Variants in CES5A observed in about 807,000 individuals in gnomAD.
CES5A encodes carboxylesterase 5.
In CES5A, 67 loss-of-function variants were observed where a neutral mutation model predicts 62.9. That is an observed-to-expected ratio of 1.07 (90% CI 0.88 to 1.31). CES5A has a LOEUF of 1.31. Among genes scored for constraint, CES5A ranks in the 50% most tolerant of loss-of-function variants. The pLI, the probability that CES5A is intolerant of heterozygous loss-of-function variation, is 0.00. For missense variants in CES5A, 748 were observed against 708.5 expected (o/e 1.06, Z -0.63); for synonymous variants, 296 against 280.8 (o/e 1.05, Z -0.54).
At chr16:55,948,362 A>G (rs2034519203) in intron 2 of CES5A, among the ~76,000 whole-genome samples, 1 of 152,194 alleles carries the variant, frequency 6.6e-6, no homozygotes, top group African/African-American at 2.4e-5. Flanking sequence ...GGAACAGTCA[A>G]TTATGCATCC....
chr16:55,852,512 A>C (rs1301747124), intron 10 of CES5A, among the ~76,000 whole-genome samples: 1 of 152,226 alleles, frequency 6.6e-6, no homozygotes, highest in Non-Finnish European at 1.5e-5. Flanking sequence ...TTACTTTAGG[A>C]GTTCCATTAC....
At chr16:55,864,040 C>A (rs1254374086) in intron 5 of CES5A, among the ~76,000 whole-genome samples, 15 of 152,246 alleles carry the variant, frequency 9.9e-5, no homozygotes, top group Admixed American at 9.8e-4. Context: ...GCCACCGCAC[C>A]CAGCCAAGTT....
chr16:55,918,087 T>C (rs571894946), intron 1 of CES5A, among the ~76,000 whole-genome samples: 2 of 152,290 alleles, frequency 1.3e-5, no homozygotes, highest in East Asian at 3.9e-4. Flanking sequence ...TCAGATATGC[T>C]GATGGGCAGG....
intron 2 of CES5A, among the ~76,000 whole-genome samples, chr16:55,944,955 A>G (rs970173406): frequency 5.3e-5 from 8 of 152,188 alleles, no homozygotes; most frequent in Non-Finnish European, 1.0e-4. Flanking sequence ...ACTACAAACT[A>G]CATGAGTTCA....
At chr16:55,852,798 AGC>A in intron 10 of CES5A, 81 bp downstream of exon 10, 1 of 1,470,196 alleles carries the variant, frequency 6.8e-7, no homozygotes, top group Non-Finnish European at 9.2e-7. Context: ...CAGAGAAGGC[AGC>A]CGCTCAGTAG....
chr16:55,937,114 TG>T (rs1362963598), intron 2 of CES5A, among the ~76,000 whole-genome samples: 15 of 152,172 alleles, frequency 9.9e-5, no homozygotes, highest in African/African-American at 3.6e-4. Context: ...GATTTCCGTA[TG>T]TGCTTTGCCT....
intron 1 of CES5A, among the ~76,000 whole-genome samples, chr16:55,913,956 G>A (rs1267879441): frequency 6.6e-6 from 1 of 152,176 alleles, no homozygotes; most frequent in Non-Finnish European, 1.5e-5. Context: ...AGCACAGGGT[G>A]CCCTGTGCTG....
rs1376702125 is a variant in CES5A at position 55,866,853 on chromosome 16, A to T, written c.552-737T>A. Among the ~76,000 whole-genome samples the T allele has an allele frequency of 2.6e-5, 4 of 151,656 alleles. No homozygotes were observed. The South Asian group carries it at 8.3e-4, about 32-fold the overall frequency. On this transcript the variant is annotated intron_variant, in intron 4 of 12. Transcript: ENST00000290567. ...GCTCTGTCTCAAAAAAAATAAAAAT[A>T]AAAAAATAAACAAACAAACAAAAAA...
chr16:55,928,592 C>A (rs940550127), upstream of CES5A, among the ~76,000 whole-genome samples: 1 of 152,146 alleles, frequency 6.6e-6, no homozygotes, highest in Non-Finnish European at 1.5e-5. Flanking sequence ...AGATACTCAA[C>A]CTTAATCTTA....
chr16:55,922,243 G>A (rs1186837774), intron 1 of CES5A, among the ~76,000 whole-genome samples: 1 of 151,766 alleles, frequency 6.6e-6, no homozygotes, highest in Middle Eastern at 3.2e-3. Flanking sequence ...CCAATTAAAA[G>A]ACATAGTACC....
chr16:55,930,132 TTCCTTA>T (rs1264045035), upstream of CES5A, among the ~76,000 whole-genome samples: 7 of 152,140 alleles, frequency 4.6e-5, no homozygotes, highest in East Asian at 1.3e-3. Context: ...TTGAAAATAC[TTCCTTA>T]TCCCAAGCAC....
At chr16:55,878,306 C>T (rs1483216954), upstream of CES5A, among the ~76,000 whole-genome samples, 2 of 151,970 alleles carry the variant, frequency 1.3e-5, no homozygotes, top group African/African-American at 4.8e-5. Flanking sequence ...TGGCAGCTGC[C>T]TCAGGGTGGA....
intron 7 of CES5A, among the ~76,000 whole-genome samples, chr16:55,861,093 T>C (rs1439414312): frequency 6.6e-6 from 1 of 152,234 alleles, no homozygotes; most frequent in African/African-American, 2.4e-5. Context: ...TTCCAGCTCC[T>C]GATTTTGACT....
chr16:55,892,292 C>G (rs1389105613), intron 1 of CES5A, among the ~76,000 whole-genome samples: 1 of 152,138 alleles, frequency 6.6e-6, no homozygotes, highest in Non-Finnish European at 1.5e-5. Context: ...ATTGTCCCAC[C>G]TTTCTGGACC....
At chr16:55,909,999 G>A (rs1465697718) in intron 1 of CES5A, among the ~76,000 whole-genome samples, 1 of 152,188 alleles carries the variant, frequency 6.6e-6, no homozygotes, top group Non-Finnish European at 1.5e-5. Context: ...GTTCACTCCA[G>A]GACATTCACC....
At position 55,874,047 on chromosome 16, in the gene CES5A, C is replaced by T; in HGVS notation, c.74-10G>A. The T allele has an allele frequency of 6.3e-7, 1 of 1,592,556 alleles. No homozygotes were observed. Among genetic ancestry groups the T allele is most frequent in the Non-Finnish European group, 8.5e-7 (1 of 1,170,154 alleles). On this transcript the variant is annotated splice_polypyrimidine_tract_variant and intron_variant, in intron 1 of 12. Transcript: ENST00000290567. ...CCTTCAGCAGAAGGCCCTGCGGGAA[C>T]ACATGGGAGGAATCAGGAGCAGGCT...
intron 10 of CES5A, among the ~76,000 whole-genome samples, chr16:55,851,683 C>T (rs764833091): frequency 6.6e-6 from 1 of 152,176 alleles, no homozygotes; most frequent in Non-Finnish European, 1.5e-5. Flanking sequence ...GGGACTTGAA[C>T]AGATATTTCT....
chr16:55,901,863 C>A (rs1171779979), intron 1 of CES5A, among the ~76,000 whole-genome samples: 1 of 152,060 alleles, frequency 6.6e-6, no homozygotes, highest in Non-Finnish European at 1.5e-5. Flanking sequence ...ATTTTAATTT[C>A]GAGGCTTACA....
chr16:55,922,121 GGAAGA>G (rs2034211568), intron 1 of CES5A, among the ~76,000 whole-genome samples: 1 of 151,792 alleles, frequency 6.6e-6, no homozygotes, highest in African/African-American at 2.4e-5. Flanking sequence ...CAGGAAGAAA[GGAAGA>G]GAAGAGTTAC....
Sources: gnomAD v4.1 joint callset for allele counts (sites outside exome capture counted in the v4.1 genomes callset) on GRCh38, gnomAD v4.1.1 for gene constraint, MANE v1.5 for transcripts, NCBI Gene and HGNC (gene_info 2026-07-23, HGNC 2026-07-21) for gene names.